Variants in CHIC2 observed in about 807,000 individuals in gnomAD.
CHIC2 encodes the protein cysteine rich hydrophobic domain 2.
A neutral mutation model predicts 25.9 loss-of-function variants in CHIC2; 14 were observed. The observed-to-expected ratio is 0.54, with a 90% CI of 0.36 to 0.85. CHIC2 has a LOEUF of 0.85. CHIC2 is among the 40% of genes least tolerant of loss of function. CHIC2 has a pLI of 0.01. For missense variants in CHIC2, 146 were observed against 202.0 expected (o/e 0.72, Z 1.68); for synonymous variants, 70 against 72.0 (o/e 0.97, Z 0.14).
chr4:54,071,339 T>A, the CHIC2 span, among the ~76,000 whole-genome samples: 9 of 152,254 alleles, frequency 5.9e-5, 1 homozygote, highest in Admixed American at 5.9e-4. Flanking sequence ...ACACAACCTG[T>A]ATAACACATA....
chr4:54,031,956 G>T (rs1716241043), intron 3 of CHIC2, among the ~76,000 whole-genome samples: 1 of 152,002 alleles, frequency 6.6e-6, no homozygotes, highest in African/African-American at 2.4e-5. Context: ...CTACAAAGAA[G>T]GGTTTAGAGT....
intron 1 of CHIC2, among the ~76,000 whole-genome samples, chr4:54,051,576 G>A (rs1239890268): frequency 6.6e-6 from 1 of 151,884 alleles, no homozygotes; most frequent in Non-Finnish European, 1.5e-5. Flanking sequence ...AAAATGTCAT[G>A]GAATATAAAC....
chr4:54,081,140 A>T, the CHIC2 span, among the ~76,000 whole-genome samples: 1 of 151,434 alleles, frequency 6.6e-6, no homozygotes, highest in East Asian at 1.9e-4. Context: ...ACCTTGGGCA[A>T]ATTAGTCCTT....
At chr4:54,080,919 T>C in the CHIC2 span, among the ~76,000 whole-genome samples, 3 of 141,908 alleles carry the variant, frequency 2.1e-5, no homozygotes, top group Non-Finnish European at 3.0e-5. Flanking sequence ...TTGATTGTGG[T>C]AATCATTTCA....
At chr4:54,083,446 A>G in the CHIC2 span, among the ~76,000 whole-genome samples, 1 of 152,102 alleles carries the variant, frequency 6.6e-6, no homozygotes, top group Admixed American at 6.6e-5. Flanking sequence ...TTTCTGTTCC[A>G]TTCACTCTAT....
In CHIC2 at chr4:54,045,203, C is replaced by T. The variant is rs561807773; in HGVS notation, c.330+3752G>A. The stretch of plus-strand genomic sequence containing the variant: ...GTCCAGGACCAGATGGATTCACAGC[C>T]GAATTCTACCAGAGGTACAAGGAGG... On this transcript the variant is annotated intron_variant, in intron 3 of 5. Coordinates refer to ENST00000263921, the MANE Select transcript of CHIC2 (RefSeq NM_012110.4). Among the ~76,000 whole-genome samples the T allele has an allele frequency of 4.8e-3, 729 of 152,212 alleles. 6 individuals carry two copies. The highest frequency in any genetic ancestry group is 8.2e-3 in the Non-Finnish European group (558 of 68,014).
intron 1 of CHIC2, among the ~76,000 whole-genome samples, chr4:54,052,390 C>A (rs1201362260): frequency 2.6e-5 from 4 of 152,078 alleles, no homozygotes; most frequent in Admixed American, 1.3e-4. Flanking sequence ...CAATTGACAG[C>A]ATTATAAATG....
intron 3 of CHIC2, among the ~76,000 whole-genome samples, chr4:54,015,460 T>C (rs1224086514): frequency 6.6e-6 from 1 of 152,130 alleles, no homozygotes; most frequent in Admixed American, 6.6e-5. Context: ...GCAGCAGTTA[T>C]GGTCACACTT....
intron 1 of CHIC2, among the ~76,000 whole-genome samples, chr4:54,053,339 C>T (rs1717065330): frequency 6.6e-6 from 1 of 152,028 alleles, no homozygotes; most frequent in Admixed American, 6.6e-5. Flanking sequence ...GGTGGATCAC[C>T]TGAGGTCAGG....
At chr4:54,083,852 C>T in the CHIC2 span, among the ~76,000 whole-genome samples, 1 of 152,148 alleles carries the variant, frequency 6.6e-6, no homozygotes, top group African/African-American at 2.4e-5. Flanking sequence ...CAGAGGCCTT[C>T]ATACTTCTTC....
chr4:54,087,595 A>G, the CHIC2 span: 1 of 765,204 alleles, frequency 1.3e-6, no homozygotes, highest in Non-Finnish European at 1.9e-6. Context: ...TTTAAGGGGC[A>G]CACACCTACT....
chr4:54,021,502 C>T (rs1261298875), intron 3 of CHIC2, among the ~76,000 whole-genome samples: 1 of 152,088 alleles, frequency 6.6e-6, no homozygotes, highest in Non-Finnish European at 1.5e-5. Flanking sequence ...GCCTCTGCTC[C>T]CCGACCCTAT....
At chr4:54,064,629 C>A (rs1717459187), upstream of CHIC2, 6 of 1,091,714 alleles carry the variant, frequency 5.5e-6, no homozygotes, top group African/African-American at 1.6e-5. The surrounding 1 kb of genome is among the most constrained non-coding windows in gnomAD (Gnocchi z 4.2). Flanking sequence ...GAGCCACCCG[C>A]AGCGGGAGCA....
chr4:54,046,680 T>C (rs1265282141), intron 3 of CHIC2, among the ~76,000 whole-genome samples: 2 of 152,144 alleles, frequency 1.3e-5, no homozygotes, highest in East Asian at 3.9e-4. Context: ...ATGTTAGACC[T>C]AAAACCATAA....
chr4:54,070,310 TA>T, the CHIC2 span, among the ~76,000 whole-genome samples: 1 of 152,216 alleles, frequency 6.6e-6, no homozygotes, highest in Non-Finnish European at 1.5e-5. Flanking sequence ...TAAGAAATCT[TA>T]AATGCATGCC....
upstream of CHIC2, among the ~76,000 whole-genome samples, chr4:54,069,250 A>G (rs960081260): frequency 1.3e-5 from 2 of 152,080 alleles, no homozygotes; most frequent in African/African-American, 4.8e-5. Flanking sequence ...CTAGTCTCCA[A>G]CTCCTGGGCT....
At chr4:54,057,861 T>C (rs1481600596) in intron 1 of CHIC2, among the ~76,000 whole-genome samples, 1 of 152,226 alleles carries the variant, frequency 6.6e-6, no homozygotes, top group Non-Finnish European at 1.5e-5. Flanking sequence ...TGAACTTCTC[T>C]TACTTTATAT....
chr4:54,082,794 G>A, the CHIC2 span, among the ~76,000 whole-genome samples: 1 of 152,134 alleles, frequency 6.6e-6, no homozygotes, highest in Non-Finnish European at 1.5e-5. Flanking sequence ...GGAGGGAAGT[G>A]AGACTGTAGA....
upstream of CHIC2, chr4:54,064,610 C>G (rs565419086): frequency 8.6e-7 from 1 of 1,167,028 alleles, no homozygotes; most frequent in Non-Finnish European, 1.1e-6. The surrounding 1 kb of genome is among the most constrained non-coding windows in gnomAD (Gnocchi z 4.2). Flanking sequence ...GAAACCACAG[C>G]AACAGCCCGA....
Sources: allele counts gnomAD v4.1 joint callset (sites outside exome capture counted in the v4.1 genomes callset), GRCh38; gene constraint gnomAD v4.1.1; non-coding constraint Gnocchi (gnomAD v3.1); transcripts MANE v1.5; gene names NCBI Gene and HGNC (gene_info 2026-07-23, HGNC 2026-07-21).